PKD1L1: variants seen among roughly 807,000 people sequenced by gnomAD.
The protein encoded by PKD1L1 is polycystin-1-like protein 1.
PKD1L1 carries 236 observed loss-of-function variants against 323.4 expected under a neutral mutation model. That is an observed-to-expected ratio of 0.73 (90% CI 0.66 to 0.81). The LOEUF is 0.81. PKD1L1 is among the 40% of genes least tolerant of loss of function. The pLI is 0.00. For missense variants in PKD1L1, 3,320 were observed against 3,508.0 expected (o/e 0.95, Z 1.35); for synonymous variants, 1,344 against 1,335.0 (o/e 1.01, Z -0.15).
intron 49 of PKD1L1, among the ~76,000 whole-genome samples, chr7:47,812,843 C>G (rs2128729851): frequency 6.6e-6 from 1 of 152,366 alleles, no homozygotes; most frequent in Non-Finnish European, 1.5e-5. Context: ...CAGCATGCAA[C>G]AAATGCTCCT....
intron 40 of PKD1L1, among the ~76,000 whole-genome samples, chr7:47,833,463 C>G (rs1182087452): frequency 6.6e-6 from 1 of 152,064 alleles, no homozygotes; most frequent in Non-Finnish European, 1.5e-5. Flanking sequence ...GTGGGTGCCC[C>G]TGGGGAAATG....
chr7:47,880,131 C>A (rs1426916138), intron 21 of PKD1L1, among the ~76,000 whole-genome samples: 1 of 144,826 alleles, frequency 6.9e-6, no homozygotes, highest in Non-Finnish European at 1.5e-5. Context: ...ACATCAGTGG[C>A]ACAAAACAAG....
At chr7:47,865,609 G>A (rs527581485) in intron 25 of PKD1L1, among the ~76,000 whole-genome samples, 61 of 63,548 alleles carry the variant, frequency 9.6e-4, no homozygotes, top group East Asian at 6.4e-3. Context: ...TTTTTGAGAC[G>A]GAGTCTCGCT....
chr7:47,827,363 G>C lies in PKD1L1; in HGVS notation c.6841C>G (p.Arg2281Gly). The C allele has an allele frequency of 6.2e-7, 1 of 1,611,870 alleles. No homozygotes were observed. Among genetic ancestry groups the C allele is most frequent in the East Asian group, 2.2e-5 (1 of 44,798 alleles). Reference sequence around the variant, plus strand: ...GCCGCCACCCACCTCAGGGCAGCCCGTGTGCGACTCTCTCTCCTCATCCTC... The same window carrying C: ...GCCGCCACCCACCTCAGGGCAGCCCCTGTGCGACTCTCTCTCCTCATCCTC... ...RQRMRRESRT[R>G]AALRDISMDI... The change falls in exon 45 of 57, where the codon CGG (arginine) becomes GGG (glycine). Residue 2281 changes from arginine to glycine, a missense_variant. Arg to Gly is a moderately radical substitution (Grantham distance 125, BLOSUM62 -2). Coordinates refer to ENST00000289672, the MANE Select transcript of PKD1L1 (RefSeq NM_138295.5).
chr7:47,779,892 A>T (rs982496135), intron 56 of PKD1L1, among the ~76,000 whole-genome samples: 2 of 152,198 alleles, frequency 1.3e-5, no homozygotes, highest in Admixed American at 6.5e-5. Context: ...CAGAAAGAGC[A>T]CTTGTTATGC....
rs1024524641 is a variant in PKD1L1, at chr7:47,837,117, T to C, written c.5770-23A>G. On this transcript the variant is annotated intron_variant, in intron 36 of 56. Transcript: ENST00000289672. ...AAGCTGAAACGGAAAGCAGGAGAAGTGTTCCCTGACATGGAGCATTTCTGT... is the reference window on the plus strand; with the variant it reads ...AAGCTGAAACGGAAAGCAGGAGAAGCGTTCCCTGACATGGAGCATTTCTGT... The C allele has an allele frequency of 3.1e-6, 5 of 1,612,216 alleles. No homozygotes were observed. In the African/African-American group the frequency reaches 5.3e-5, roughly 17 times the overall value.
intron 56 of PKD1L1, among the ~76,000 whole-genome samples, chr7:47,783,755 C>G (rs951297487): frequency 6.6e-6 from 1 of 152,194 alleles, no homozygotes; most frequent in Non-Finnish European, 1.5e-5. Flanking sequence ...CCTGCTGACA[C>G]CCTGACCTTG....
At chr7:47,939,419 A>G (rs1787937480) in intron 3 of PKD1L1, among the ~76,000 whole-genome samples, 1 of 151,878 alleles carries the variant, frequency 6.6e-6, no homozygotes, top group Non-Finnish European at 1.5e-5. Context: ...GAAACGCACA[A>G]CTCTGGGCTG....
the PKD1L1 span, among the ~76,000 whole-genome samples, chr7:47,958,671 ATAT>A: frequency 2.0e-5 from 3 of 152,250 alleles, no homozygotes; most frequent in Non-Finnish European, 4.4e-5. Context: ...ATGGGAGAAA[ATAT>A]TATATTTGCA....
At position 47,831,204 on chromosome 7, in the gene PKD1L1, C is replaced by T. The variant is rs374770765; in HGVS notation, c.6473+13G>A. Reference sequence around the variant, plus strand: ...TGAGGACCTGAGGATGTTTGAAAAACTCTACAGCTCACCTGTAGGCTAGAA... The same window carrying T: ...TGAGGACCTGAGGATGTTTGAAAAATTCTACAGCTCACCTGTAGGCTAGAA... On this transcript the variant is annotated intron_variant, in intron 42 of 56. Transcript: ENST00000289672. The T allele has an allele frequency of 6.2e-5, 99 of 1,607,698 alleles. No homozygotes were observed. In the East Asian group the frequency reaches 1.4e-3, roughly 22 times the overall value.
rs553398218 is a variant in PKD1L1, at chr7:47,884,875, A to G, written c.3206-218T>C. ...TGCCCCGGGGCCCCAGGAGGAGGAG[A>G]GGGAGCTCCAATAGGTGTGTGGTTT... On this transcript the variant is annotated intron_variant, in intron 18 of 56. Transcript: ENST00000289672. Among the ~76,000 whole-genome samples the G allele has an allele frequency of 2.0e-5, 3 of 152,112 alleles. No individual in the cohort carries two copies. In the East Asian group the frequency reaches 5.8e-4, roughly 29 times the overall value.
Position 47,929,491 on chromosome 7 carries a change from G to C in PKD1L1, c.773C>G (p.Pro258Arg), listed in dbSNP as rs1248939192. 6.2e-7 allele frequency: 1 copy of C among 1,614,060 alleles called. No individual in the cohort carries two copies. Among genetic ancestry groups the C allele is most frequent in the East Asian group, 2.2e-5 (1 of 44,874 alleles). ...ACCAGACTGCGATGCCGTGAAGCTG[G>C]GGGTGCGAGGAATGCCAGGCGGAAG... is the stretch of plus-strand genomic sequence containing the variant. ...HGLPPGIPRT[P>R]SFTASQSGSE... is the part of the protein sequence containing the mutation. The change falls in exon 7 of 57, where the codon CCC becomes CGC. Residue 258 changes from proline to arginine, a missense_variant. Transcript: ENST00000289672.
Position 47,931,160 on chromosome 7 carries a change from G to A in PKD1L1, c.681C>T (p.Thr227=). 6.2e-7 allele frequency: 1 copy of A among 1,614,206 alleles called. No individual in the cohort carries two copies. The highest frequency in any genetic ancestry group is 2.2e-5 in the East Asian group (1 of 44,886). ...TPTKVARPTQ[T]SSQRVPLWPI... ...GCCACAGGGGCACTCGCTGGGAGCT[G>A]GTCTGAGTGGGTCTGGCCACCTTGG... The change falls in exon 6 of 57, where the codon ACC becomes ACT. Residue 227 remains threonine (T), a synonymous_variant. Coordinates refer to ENST00000289672, the MANE Select transcript of PKD1L1 (RefSeq NM_138295.5).
chr7:47,836,914 C>T lies in PKD1L1; in HGVS notation c.5943+7G>A, dbSNP rs775768687. Reference sequence around the variant, plus strand: ...AAGCTGCTATAAGGAAAAGCGATGGCTCTCACCTGCTCTTGCCCTCCAGCA... The same window carrying T: ...AAGCTGCTATAAGGAAAAGCGATGGTTCTCACCTGCTCTTGCCCTCCAGCA... On this transcript the variant is annotated splice_region_variant and intron_variant, in intron 37 of 56. Coordinates refer to ENST00000289672, the MANE Select transcript of PKD1L1 (RefSeq NM_138295.5). The T allele has an allele frequency of 3.7e-6, 6 of 1,612,418 alleles. No individual in the cohort carries two copies. Among genetic ancestry groups the T allele is most frequent in the Non-Finnish European group, 4.2e-6 (5 of 1,179,412 alleles).
In PKD1L1 at chr7:47,840,397, A is replaced by T; in HGVS notation, c.5552+64T>A. 1 of 1,182,766 alleles carries T rather than the reference A, an allele frequency of 8.5e-7. No homozygotes were observed. The highest frequency in any genetic ancestry group is 1.3e-6 in the Non-Finnish European group (1 of 795,000). 73.3% of individuals were successfully genotyped at this position (1,182,766 alleles called of 1,614,324 possible). A position where few individuals can be genotyped will look rare whatever the true frequency, so the allele number is the denominator to read the frequency against. On this transcript the variant is annotated intron_variant, in intron 35 of 56. Coordinates refer to ENST00000289672, the MANE Select transcript of PKD1L1 (RefSeq NM_138295.5). This position sits in a 1 kb window ranked among gnomAD's most constrained non-coding sequence, Gnocchi z 4.1. ...TATTCTACTGTTTTGTATTTGTGAT[A>T]AGGTTACACCAATTCTGATTGGCCT...
chr7:47,823,756 T>C lies in PKD1L1; in HGVS notation c.6855-2570A>G, dbSNP rs552527634. 1.1e-4 allele frequency among the ~76,000 whole-genome samples: 16 copies of C among 152,342 alleles called. No homozygotes were observed. In the East Asian group the frequency reaches 2.9e-3, roughly 28 times the overall value. On this transcript the variant is annotated intron_variant, in intron 45 of 56. Coordinates refer to ENST00000289672, the MANE Select transcript of PKD1L1 (RefSeq NM_138295.5). ...CTCTAATTCTATTACCTGGTCCCCATTCATTAGCTGGAATTCCTCTCTAAA... is the reference window on the plus strand; with the variant it reads ...CTCTAATTCTATTACCTGGTCCCCACTCATTAGCTGGAATTCCTCTCTAAA...
intron 9 of PKD1L1, among the ~76,000 whole-genome samples, chr7:47,907,325 G>A (rs543395256): frequency 3.3e-5 from 5 of 152,256 alleles, no homozygotes; most frequent in African/African-American, 1.2e-4. Flanking sequence ...ACCCATGTAG[G>A]CTGGGCACTT....
At chr7:47,931,466 T>C (rs1001840817) in intron 5 of PKD1L1, 145 bp from the exon 6 acceptor site, 1 of 830,508 alleles carries the variant, frequency 1.2e-6, no homozygotes, top group African/African-American at 1.7e-5. Context: ...GACCACAAAT[T>C]GGCCCCGTGC....
intron 45 of PKD1L1, among the ~76,000 whole-genome samples, chr7:47,825,598 T>C (rs1262401037): frequency 6.6e-6 from 1 of 152,166 alleles, no homozygotes; most frequent in Non-Finnish European, 1.5e-5. Flanking sequence ...TCACTGCCAT[T>C]TTATTTTACA....
Sources: allele counts gnomAD v4.1 joint callset (sites outside exome capture counted in the v4.1 genomes callset), GRCh38; gene constraint gnomAD v4.1.1; non-coding constraint Gnocchi (gnomAD v3.1); transcripts MANE v1.5; gene names NCBI Gene and HGNC (gene_info 2026-07-23, HGNC 2026-07-21).